The following SPG21 variants were observed in gnomAD, a reference collection of about 807,000 sequenced individuals.
The protein encoded by SPG21 is maspardin.
SPG21 carries 26 observed loss-of-function variants against 38.9 expected under a neutral mutation model. That is an observed-to-expected ratio of 0.67 (90% CI 0.49 to 0.93). SPG21 has a LOEUF of 0.93. Among genes scored for constraint, SPG21 ranks in the 40% least tolerant of loss-of-function variants. The pLI, the probability that SPG21 is intolerant of heterozygous loss-of-function variation, is 0.00. For missense variants in SPG21, 333 were observed against 376.5 expected (o/e 0.88, Z 0.96); for synonymous variants, 136 against 128.9 (o/e 1.05, Z -0.37).
intron 1 of SPG21, 22 bp from the exon 2 acceptor site, chr15:64,983,615 T>G: frequency 7.2e-7 from 1 of 1,390,712 alleles, no homozygotes; most frequent in Non-Finnish European, 1.0e-6. Context: ...GCATGTGATA[T>G]TTCACGTCAA....
intron 6 of SPG21, 63 bp downstream of exon 6, chr15:64,970,051 G>C (rs1566925422): frequency 7.7e-7 from 1 of 1,301,178 alleles, no homozygotes; most frequent in Non-Finnish European, 1.1e-6. Context: ...CTATCTTCTG[G>C]AACCAAGTAG....
At chr15:64,973,746 G>C (rs180817415) in intron 5 of SPG21, among the ~76,000 whole-genome samples, 2 of 152,306 alleles carry the variant, frequency 1.3e-5, no homozygotes, top group East Asian at 3.9e-4. Flanking sequence ...ACCGCACCCA[G>C]CCTCATTTCC....
At chr15:64,970,496 G>C (rs1205508897) in intron 5 of SPG21, among the ~76,000 whole-genome samples, 1 of 152,120 alleles carries the variant, frequency 6.6e-6, no homozygotes, top group African/African-American at 2.4e-5. Context: ...ATGAGTCCAA[G>C]ATTGTTTTTT....
chr15:64,970,188 T>A lies in SPG21; in HGVS notation c.487A>T (p.Ile163Leu). Reference sequence around the variant, plus strand: ...CCAGATGAAAAATTTCCAAGAACTATTTTTTTGAGCATAAATGCAGGCATC... The same window carrying A: ...CCAGATGAAAAATTTCCAAGAACTAATTTTTTGAGCATAAATGCAGGCATC... ...WLMPAFMLKK[I>L]VLGNFSSGPV... Residue 163 changes from isoleucine (I) to leucine (L), a missense_variant, in exon 6 of 9, where the codon ATA (isoleucine) becomes TTA (leucine). By Grantham distance (5) the Ile-to-Leu change is conservative. Coordinates refer to ENST00000204566, the MANE Select transcript of SPG21 (RefSeq NM_016630.7). The A allele has an allele frequency of 6.2e-7, 1 of 1,613,716 alleles. No homozygotes were observed. The highest frequency in any genetic ancestry group is 8.5e-7 in the Non-Finnish European group (1 of 1,179,758).
chr15:64,982,684 C>T (rs921979741), intron 2 of SPG21, among the ~76,000 whole-genome samples: 1 of 152,220 alleles, frequency 6.6e-6, no homozygotes, highest in Non-Finnish European at 1.5e-5. Context: ...GATCCCCAAA[C>T]ATCTGGGATT....
At chr15:64,964,485 G>A (rs143225622) in intron 8 of SPG21, among the ~76,000 whole-genome samples, 1 of 152,290 alleles carries the variant, frequency 6.6e-6, no homozygotes, top group Non-Finnish European at 1.5e-5. Flanking sequence ...GATTACAGGT[G>A]TGAGCCACCA....
intron 3 of SPG21, among the ~76,000 whole-genome samples, chr15:64,977,050 C>T (rs1340098437): frequency 6.6e-6 from 1 of 152,154 alleles, no homozygotes; most frequent in Non-Finnish European, 1.5e-5. Flanking sequence ...TACTCTATTT[C>T]ATTTATTGTA....
chr15:64,985,216 T>C (rs1416286759), intron 1 of SPG21, among the ~76,000 whole-genome samples: 6 of 152,208 alleles, frequency 3.9e-5, no homozygotes, highest in African/African-American at 1.4e-4. Context: ...TCTTTTGTTG[T>C]GAGCTTAGTG....
intron 1 of SPG21, among the ~76,000 whole-genome samples, chr15:64,986,529 T>C (rs1022523317): frequency 7.4e-5 from 11 of 149,496 alleles, no homozygotes; most frequent in African/African-American, 1.2e-4. Context: ...CTACTAAAAA[T>C]ACAAAAAAAA....
intron 5 of SPG21, among the ~76,000 whole-genome samples, chr15:64,970,874 C>T (rs907200210): frequency 5.3e-5 from 8 of 151,872 alleles, no homozygotes; most frequent in African/African-American, 1.7e-4. Context: ...CGAGTAGCTG[C>T]GACTACAGGC....
intron 1 of SPG21, among the ~76,000 whole-genome samples, chr15:64,984,341 G>A (rs1221200320): frequency 6.6e-6 from 1 of 151,740 alleles, no homozygotes; most frequent in Non-Finnish European, 1.5e-5. Flanking sequence ...GCTAGAGAAA[G>A]GAGTTGATGT....
rs1350972200 is a variant in SPG21 at position 64,970,183 on chromosome 15, A to C, written c.492T>G (p.Val164=). The C allele has an allele frequency of 6.2e-7, 1 of 1,614,134 alleles. No individual in the cohort carries two copies. Among genetic ancestry groups the C allele is most frequent in the Admixed American group, 1.7e-5 (1 of 60,020 alleles). ...CCGGGCCAGATGAAAAATTTCCAAG[A>C]ACTATTTTTTTGAGCATAAATGCAG... ...LMPAFMLKKI[V]LGNFSSGPVD... is the part of the protein sequence containing the mutation. The change falls in exon 6 of 9, where the codon GTT becomes GTG. Residue 164 remains valine (V), a synonymous_variant. Coordinates refer to ENST00000204566, the MANE Select transcript of SPG21 (RefSeq NM_016630.7).
At chr15:64,976,788 G>GT (rs2085784993) in intron 3 of SPG21, among the ~76,000 whole-genome samples, 1 of 152,148 alleles carries the variant, frequency 6.6e-6, no homozygotes, top group Non-Finnish European at 1.5e-5. Context: ...ATGATATTAC[G>GT]TGAGTAACAA....
chr15:64,983,930 C>T (rs2085935976), intron 1 of SPG21, among the ~76,000 whole-genome samples: 1 of 151,914 alleles, frequency 6.6e-6, no homozygotes, highest in Admixed American at 6.6e-5. Flanking sequence ...ATTACAGGTG[C>T]CCGCCACCAC....
intron 8 of SPG21, among the ~76,000 whole-genome samples, chr15:64,964,080 A>G (rs1048803392): frequency 2.0e-5 from 3 of 152,110 alleles, no homozygotes; most frequent in Admixed American, 1.3e-4. Context: ...AAATGGCTGC[A>G]TTACAGAGTA....
chr15:64,974,210 T>C (rs562945691), intron 5 of SPG21, among the ~76,000 whole-genome samples: 3 of 152,250 alleles, frequency 2.0e-5, no homozygotes, highest in Non-Finnish European at 4.4e-5. Context: ...CTCATGCCTG[T>C]AATCCCAGAA....
At chr15:64,979,709 T>C (rs1260178844) in intron 3 of SPG21, among the ~76,000 whole-genome samples, 5 of 151,744 alleles carry the variant, frequency 3.3e-5, no homozygotes, top group African/African-American at 9.7e-5. Flanking sequence ...AAACAGTAAA[T>C]AAAACGTACA....
intron 5 of SPG21, among the ~76,000 whole-genome samples, chr15:64,974,224 T>C (rs969565388): frequency 3.3e-5 from 5 of 152,174 alleles, no homozygotes; most frequent in Non-Finnish European, 7.3e-5. Flanking sequence ...CCCAGAACTT[T>C]GGGAGGCCAA....
At chr15:64,973,201 T>C (rs577896188) in intron 5 of SPG21, among the ~76,000 whole-genome samples, 11 of 152,310 alleles carry the variant, frequency 7.2e-5, no homozygotes, top group Admixed American at 2.0e-4. Context: ...ACTCTTGGCC[T>C]GAAGTGATCC....
Sources: allele counts gnomAD v4.1 joint callset (sites outside exome capture counted in the v4.1 genomes callset), GRCh38; gene constraint gnomAD v4.1.1; transcripts MANE v1.5; gene names NCBI Gene and HGNC (gene_info 2026-07-23, HGNC 2026-07-21).